Variants in PPP1R36 observed in about 807,000 individuals in gnomAD.
The protein encoded by PPP1R36 is chromosome 14 open reading frame 50.
A neutral mutation model predicts 53.4 loss-of-function variants in PPP1R36; 47 were observed. That is an observed-to-expected ratio of 0.88 (90% CI 0.70 to 1.12). The LOEUF (loss-of-function observed/expected upper bound fraction) is 1.12, where lower values mean the gene tolerates loss of function less well. PPP1R36 is among the 50% of genes most tolerant of loss of function. The pLI, the probability that PPP1R36 is intolerant of heterozygous loss-of-function variation, is 0.00. For missense variants in PPP1R36, 456 were observed against 513.9 expected (o/e 0.89, Z 1.09); for synonymous variants, 153 against 170.5 (o/e 0.90, Z 0.80).
intron 3 of PPP1R36, among the ~76,000 whole-genome samples, chr14:64,562,686 T>C (rs1229766347): frequency 6.6e-6 from 1 of 152,014 alleles, no homozygotes; most frequent in Admixed American, 6.6e-5. Flanking sequence ...TAGCAGTAAA[T>C]GCCAGACTAT....
At chr14:64,573,888 T>G (rs1301339142) in intron 7 of PPP1R36, among the ~76,000 whole-genome samples, 7 of 113,658 alleles carry the variant, frequency 6.2e-5, no homozygotes, top group African/African-American at 2.5e-4. Context: ...CACTCCAGCT[T>G]GGGCGACACA....
intron 3 of PPP1R36, among the ~76,000 whole-genome samples, chr14:64,563,841 GT>G (rs765865472): frequency 3.3e-5 from 5 of 152,162 alleles, no homozygotes; most frequent in African/African-American, 4.8e-5. Context: ...CCCACAATGG[GT>G]TTGGCAGACA....
intron 1 of PPP1R36, 38 bp from the exon 2 acceptor site, chr14:64,550,883 C>A (rs370646023): frequency 2.7e-6 from 4 of 1,493,606 alleles, no homozygotes; most frequent in Middle Eastern, 1.7e-4. Flanking sequence ...GTAAATTGAG[C>A]TTTTAATTAT....
chr14:64,587,086 G>T, intron 9 of PPP1R36, 108 bp from the exon 10 acceptor site: 3 of 922,196 alleles, frequency 3.3e-6, no homozygotes, highest in South Asian at 3.5e-5. Context: ...GGAATATTGG[G>T]AAATTGGGTC....
At position 64,564,204 on chromosome 14, in the gene PPP1R36, T is replaced by C. The variant is rs147302290; in HGVS notation, c.183-547T>C. On this transcript the variant is annotated intron_variant, in intron 3 of 11. Coordinates refer to ENST00000298705, the MANE Select transcript of PPP1R36 (RefSeq NM_172365.3). The stretch of plus-strand genomic sequence containing the variant: ...CTTTAGAAGAGTCCACAGCAGTGAA[T>C]ACTGAGATTGCTGTTTGGGAGGCAG... Among the ~76,000 whole-genome samples, 74 of 152,338 alleles carry C rather than the reference T, an allele frequency of 4.9e-4. 1 individual carries two copies. Among genetic ancestry groups the C allele is most frequent in the African/African-American group, 1.7e-3 (71 of 41,568 alleles).
At chr14:64,567,604 G>A (rs75960392) in intron 6 of PPP1R36, among the ~76,000 whole-genome samples, 8,011 of 152,262 alleles carry the variant, frequency 0.053, 290 homozygotes, top group Non-Finnish European at 0.081. Flanking sequence ...TGGTGGAGGA[G>A]GATGTTACAT....
At chr14:64,556,987 A>G (rs1214544580) in intron 3 of PPP1R36, among the ~76,000 whole-genome samples, 1 of 148,808 alleles carries the variant, frequency 6.7e-6, no homozygotes, top group Admixed American at 6.8e-5. Context: ...CTACAGGGAC[A>G]TGCCACCATG....
At chr14:64,566,571 C>A (rs2080259043) in intron 6 of PPP1R36, among the ~76,000 whole-genome samples, 1 of 152,186 alleles carries the variant, frequency 6.6e-6, no homozygotes, top group Non-Finnish European at 1.5e-5. Context: ...AAGCCTCAGT[C>A]TCCTCAGCTA....
At chr14:64,586,744 A>T in intron 8 of PPP1R36, 93 bp from the exon 9 acceptor site, 1 of 821,362 alleles carries the variant, frequency 1.2e-6, no homozygotes, top group East Asian at 2.5e-5. Flanking sequence ...TGGGGCCAAG[A>T]TAATGACCCT....
intron 8 of PPP1R36, among the ~76,000 whole-genome samples, chr14:64,580,970 T>G (rs191447864): frequency 1.3e-5 from 2 of 152,294 alleles, no homozygotes; most frequent in Admixed American, 1.3e-4. Flanking sequence ...CACCGTGGTT[T>G]GTAATATCAG....
intron 8 of PPP1R36, among the ~76,000 whole-genome samples, chr14:64,582,252 G>A (rs2080395040): frequency 6.6e-6 from 1 of 152,150 alleles, no homozygotes; most frequent in Admixed American, 6.5e-5. Context: ...ATTTCACCTA[G>A]AGCAGCAGGG....
intron 7 of PPP1R36, among the ~76,000 whole-genome samples, chr14:64,571,411 G>A (rs1780303905): frequency 6.6e-6 from 1 of 152,100 alleles, no homozygotes; most frequent in South Asian, 2.1e-4. Context: ...ATAAGCCTGA[G>A]CCACCGTGCC....
chr14:64,551,254 G>A (rs2080092072), intron 2 of PPP1R36, among the ~76,000 whole-genome samples: 1 of 152,164 alleles, frequency 6.6e-6, no homozygotes, highest in South Asian at 2.1e-4. Context: ...AGGGTTCAGC[G>A]ACTTGAGGAA....
chr14:64,558,234 A>C (rs1019761300), intron 3 of PPP1R36, among the ~76,000 whole-genome samples: 1 of 152,148 alleles, frequency 6.6e-6, no homozygotes, highest in Non-Finnish European at 1.5e-5. Flanking sequence ...TATACATCAG[A>C]TGACAGTGGT....
chr14:64,571,417 G>A (rs569550745), intron 7 of PPP1R36, among the ~76,000 whole-genome samples: 9 of 152,164 alleles, frequency 5.9e-5, no homozygotes, highest in East Asian at 1.9e-4. Flanking sequence ...CTGAGCCACC[G>A]TGCCCAGCCT....
chr14:64,582,869 T>G lies in PPP1R36; in HGVS notation c.669-3968T>G, dbSNP rs545864582. Among the ~76,000 whole-genome samples the G allele has an allele frequency of 1.5e-3, 226 of 151,426 alleles. 1 individual carries two copies. Among genetic ancestry groups the G allele is most frequent in the African/African-American group, 5.1e-3 (212 of 41,510 alleles). ...GCTTAAATTTTGTTATTTTAATTTT[T>G]TAAAATTTAATTTAATTTATTTTTA... On this transcript the variant is annotated intron_variant, in intron 8 of 11. Coordinates refer to ENST00000298705, the MANE Select transcript of PPP1R36 (RefSeq NM_172365.3).
At chr14:64,567,199 C>T (rs112040628) in intron 6 of PPP1R36, among the ~76,000 whole-genome samples, 1 of 152,232 alleles carries the variant, frequency 6.6e-6, no homozygotes, top group Non-Finnish European at 1.5e-5. Flanking sequence ...GAATTTCCAT[C>T]TGGGGCCACA....
intron 8 of PPP1R36, 111 bp downstream of exon 8, chr14:64,574,700 T>C (rs2080329767): frequency 1.6e-6 from 2 of 1,213,926 alleles, no homozygotes; most frequent in Admixed American, 4.5e-5. Context: ...TTTTCTGTTG[T>C]CCAGAGTAAT....
At chr14:64,587,585 C>G (rs776365080) in intron 10 of PPP1R36, among the ~76,000 whole-genome samples, 1 of 150,612 alleles carries the variant, frequency 6.6e-6, no homozygotes, top group Non-Finnish European at 1.5e-5. Context: ...CTCAGCCTCC[C>G]GAGTAGCTAG....
Sources: allele counts gnomAD v4.1 joint callset (sites outside exome capture counted in the v4.1 genomes callset), GRCh38; gene constraint gnomAD v4.1.1; transcripts MANE v1.5; gene names NCBI Gene and HGNC (gene_info 2026-07-23, HGNC 2026-07-21).